The following SFT2D2 variants were observed in gnomAD, a reference collection of about 807,000 sequenced individuals.
SFT2D2 encodes the protein vesicle transport protein SFT2B.
A neutral mutation model predicts 27.4 loss-of-function variants in SFT2D2; 21 were observed. The observed-to-expected ratio is 0.77, with a 90% CI of 0.54 to 1.10. SFT2D2 has a LOEUF of 1.10. Ranked by LOEUF, SFT2D2 falls within the 50% of genes least tolerant of loss-of-function variation. The pLI is 0.00. For missense variants in SFT2D2, 187 were observed against 194.2 expected (o/e 0.96, Z 0.22); for synonymous variants, 72 against 71.7 (o/e 1.00, Z -0.02).
In SFT2D2 at chr1:168,229,312, C is replaced by T. The variant is rs551487367; in HGVS notation, c.64-2202C>T. ...TCGGCTCACTGCAGGCTCCGCCTCC[C>T]GGGTTCAGGCCATTCTCTGGAATCT... On this transcript the variant is annotated intron_variant, in intron 1 of 7. Transcript: ENST00000271375. Among the ~76,000 whole-genome samples the T allele has an allele frequency of 7.8e-4, 119 of 152,310 alleles. 1 individual carries two copies. The highest frequency in any genetic ancestry group is 3.4e-3 in the Middle Eastern group (1 of 294).
chr1:168,242,634 A>T lies in SFT2D2; in HGVS notation c.*94A>T. ...TCTTCGAAACCTCTGTCTTACAGAC[A>T]TGTGCCTTTTATCTTGCAGCAATGT... On this transcript the variant is annotated 3_prime_UTR_variant, in exon 8 of 8. Transcript: ENST00000271375. 1 of 1,440,592 alleles carries T rather than the reference A, an allele frequency of 6.9e-7. No individual in the cohort carries two copies. The highest frequency in any genetic ancestry group is 1.1e-5 in the South Asian group (1 of 87,424). The allele number at this position is 1,440,592 out of a possible 1,614,324, so 89.2% of individuals were successfully genotyped here.
intron 7 of SFT2D2, among the ~76,000 whole-genome samples, chr1:168,241,521 A>C (rs1488732102): frequency 4.6e-5 from 7 of 152,034 alleles, no homozygotes; most frequent in Non-Finnish European, 1.0e-4. Flanking sequence ...GTTCCCCTGG[A>C]ATAGCTTTTC....
Position 168,250,204 on chromosome 1 carries a change from C to G in SFT2D2, c.*7664C>G, listed in dbSNP as rs753251771. ...GGCAGCTTTTGCATGACCCTGCCTC[C>G]CAGGGTCTTCCTGCGTTTTTCCTTA... is the stretch of plus-strand genomic sequence containing the variant. On this transcript the variant is annotated 3_prime_UTR_variant, in exon 8 of 8. Coordinates refer to ENST00000271375, the MANE Select transcript of SFT2D2 (RefSeq NM_199344.3). 14 of 152,296 alleles carry G rather than the reference C, an allele frequency of 9.2e-5. No homozygotes were observed. The highest frequency in any genetic ancestry group is 1.5e-4 in the Non-Finnish European group (10 of 68,024). The allele number at this position is 152,296 out of a possible 1,614,324, so 9.4% of individuals were successfully genotyped here.
intron 1 of SFT2D2, among the ~76,000 whole-genome samples, chr1:168,227,961 G>A (rs1389070329): frequency 6.6e-6 from 1 of 152,206 alleles, no homozygotes; most frequent in Non-Finnish European, 1.5e-5. Flanking sequence ...AATGGTGAAC[G>A]TCTGTGTTGG....
At chr1:168,241,512 T>C (rs988208765) in intron 7 of SFT2D2, among the ~76,000 whole-genome samples, 1 of 152,026 alleles carries the variant, frequency 6.6e-6, no homozygotes, top group African/African-American at 2.4e-5. Flanking sequence ...TATTTGTAAG[T>C]TCCCCTGGAA....
chr1:168,227,684 G>A (rs1310453824), intron 1 of SFT2D2, among the ~76,000 whole-genome samples: 2 of 151,984 alleles, frequency 1.3e-5, no homozygotes, highest in Non-Finnish European at 2.9e-5. Flanking sequence ...CCTCAGACCG[G>A]GCCTAAGAAA....
intron 1 of SFT2D2, among the ~76,000 whole-genome samples, chr1:168,231,139 C>A (rs1013881968): frequency 6.6e-6 from 1 of 152,244 alleles, no homozygotes; most frequent in East Asian, 1.9e-4. Context: ...ACTTGTGAGT[C>A]CCTGGTGGAC....
Position 168,251,841 on chromosome 1 carries a change from T to C in SFT2D2, c.*9301T>C, listed in dbSNP as rs1647959205. The C allele has an allele frequency of 6.6e-6, 1 of 152,196 alleles. No homozygotes were observed. The allele number at this position is 152,196 out of a possible 1,614,324, so 9.4% of individuals were successfully genotyped here. ...TGTCTGTGTAACTCTTGGTAAGATA[T>C]AACAAAACCTAGACATCTAAATTTT... On this transcript the variant is annotated 3_prime_UTR_variant, in exon 8 of 8. Transcript: ENST00000271375.
Position 168,246,869 on chromosome 1 carries a change from TC to T in SFT2D2, c.*4330del, listed in dbSNP as rs767391897. ...GAGCCTTTTGAAGGTCTTCATGCTT[TC>T]TTTTTATAATTTCAATGTCTTTTAA... On this transcript the variant is annotated 3_prime_UTR_variant, in exon 8 of 8. Transcript: ENST00000271375. The T allele has an allele frequency of 1.3e-5, 8 of 626,284 alleles. No homozygotes were observed. In the East Asian group the frequency reaches 4.1e-4, roughly 32 times the overall value. The allele number at this position is 626,284 out of a possible 1,614,324, so 38.8% of individuals were successfully genotyped here.
Position 168,235,128 on chromosome 1 carries a change from A to G in SFT2D2, c.264A>G (p.Lys88=), listed in dbSNP as rs764354552. ...GSTIFLMGPV[K]QLKRMFEPTR... ...CCATCTTCCTCATGGGACCAGTGAA[A>G]CAGCTGAAGCGAATGTTTGAGCCTA... Residue 88 remains lysine (K), a synonymous_variant, in exon 4 of 8, where the codon AAA becomes AAG. Transcript: ENST00000271375. The G allele has an allele frequency of 2.5e-6, 4 of 1,614,076 alleles. No homozygotes were observed. Among genetic ancestry groups the G allele is most frequent in the East Asian group, 4.5e-5 (2 of 44,900 alleles).
intron 3 of SFT2D2, among the ~76,000 whole-genome samples, chr1:168,234,392 CAAAA>C (rs201792164): frequency 4.5e-5 from 5 of 111,020 alleles, no homozygotes; most frequent in African/African-American, 1.6e-4. Flanking sequence ...GACTCCATGT[CAAAA>C]AAAAAAAAAC....
intron 7 of SFT2D2, among the ~76,000 whole-genome samples, chr1:168,240,406 C>T (rs1299198628): frequency 1.3e-5 from 2 of 151,996 alleles, no homozygotes; most frequent in African/African-American, 2.4e-5. Flanking sequence ...CCATGCAGAC[C>T]TGGCTGGTTT....
At chr1:168,227,882 GGC>G (rs1700477254) in intron 1 of SFT2D2, among the ~76,000 whole-genome samples, 1 of 152,186 alleles carries the variant, frequency 6.6e-6, no homozygotes, top group Non-Finnish European at 1.5e-5. Context: ...CGAAGCAGTG[GGC>G]TGACCCTCAA....
Position 168,246,339 on chromosome 1 carries a change from C to A in SFT2D2, c.*3799C>A. The A allele has an allele frequency of 2.1e-6, 1 of 465,672 alleles. No homozygotes were observed. 28.8% of individuals were successfully genotyped at this position (465,672 alleles called of 1,614,324 possible). ...TTGCTGTTGAAGCAACATATTTTGT[C>A]TTCGTAGTTGACATAATCTTACTTG... On this transcript the variant is annotated 3_prime_UTR_variant, in exon 8 of 8. Coordinates refer to ENST00000271375, the MANE Select transcript of SFT2D2 (RefSeq NM_199344.3).
intron 4 of SFT2D2, 112 bp from the exon 5 acceptor site, chr1:168,236,477 T>A: frequency 1.9e-6 from 2 of 1,053,196 alleles, no homozygotes; most frequent in South Asian, 2.9e-5. Context: ...GGTTAACTGC[T>A]TTGAGATGAA....
At chr1:168,241,091 A>G (rs370270112) in intron 7 of SFT2D2, among the ~76,000 whole-genome samples, 2 of 152,012 alleles carry the variant, frequency 1.3e-5, no homozygotes, top group East Asian at 3.8e-4. Flanking sequence ...TTTATGTACA[A>G]GTGATTGATA....
chr1:168,239,728 T>C (rs1307987008), intron 7 of SFT2D2, among the ~76,000 whole-genome samples: 2 of 152,002 alleles, frequency 1.3e-5, no homozygotes, highest in Non-Finnish European at 1.5e-5. Context: ...GAAATTCTAA[T>C]ACTCCATACC....
chr1:168,231,686 G>A, intron 2 of SFT2D2, 86 bp downstream of exon 2: 4 of 1,491,160 alleles, frequency 2.7e-6, no homozygotes. Flanking sequence ...TTCCCCTTTT[G>A]CCCTTCACTA....
intron 1 of SFT2D2, among the ~76,000 whole-genome samples, chr1:168,230,118 C>T (rs1431052780): frequency 6.6e-6 from 1 of 152,038 alleles, no homozygotes; most frequent in East Asian, 1.9e-4. Flanking sequence ...CTGAGGGGAG[C>T]CTCTCATCCT....
Sources: allele counts gnomAD v4.1 joint callset (sites outside exome capture counted in the v4.1 genomes callset), GRCh38; gene constraint gnomAD v4.1.1; transcripts MANE v1.5; gene names NCBI Gene and HGNC (gene_info 2026-07-23, HGNC 2026-07-21).